Variants in CSMD1 observed in about 807,000 individuals in gnomAD.
CSMD1 encodes CUB and sushi domain-containing protein 1.
In CSMD1, 213 loss-of-function variants were observed where a neutral mutation model predicts 417.5. That is an observed-to-expected ratio of 0.51 (90% confidence interval 0.46 to 0.57). CSMD1 has a LOEUF of 0.57. CSMD1 is among the 20% of genes least tolerant of loss of function. CSMD1 has a pLI of 0.00. For missense variants in CSMD1, 6,923 were observed against 4,529.7 expected (o/e 1.53, Z -15.17); for synonymous variants, 2,862 against 1,736.8 (o/e 1.65, Z -16.11).
At chr8:4,603,223 A>G (rs1280133303) in intron 2 of CSMD1, among the ~76,000 whole-genome samples, 1 of 152,070 alleles carries the variant, frequency 6.6e-6, no homozygotes, top group African/African-American at 2.4e-5. Flanking sequence ...AATAGAAGAA[A>G]ATTCTCTTTT....
At chr8:3,736,414 A>G (rs933424704) in intron 6 of CSMD1, among the ~76,000 whole-genome samples, 1 of 129,728 alleles carries the variant, frequency 7.7e-6, no homozygotes, top group East Asian at 2.5e-4. Context: ...TGGCTAATGT[A>G]AAAAAAAAAA....
chr8:4,952,236 T>C (rs980393460), intron 1 of CSMD1, among the ~76,000 whole-genome samples: 1 of 151,982 alleles, frequency 6.6e-6, no homozygotes, highest in East Asian at 1.9e-4. Context: ...GTGGAGTTAA[T>C]TTGGATTTTT....
intron 1 of CSMD1, among the ~76,000 whole-genome samples, chr8:4,641,536 A>G (rs1803188997): frequency 6.6e-6 from 1 of 152,168 alleles, no homozygotes; most frequent in African/African-American, 2.4e-5. Context: ...GCCACACATC[A>G]TGATTTTTAC....
At chr8:4,960,612 C>G (rs1585412309) in intron 1 of CSMD1, among the ~76,000 whole-genome samples, 1 of 152,156 alleles carries the variant, frequency 6.6e-6, no homozygotes, top group Non-Finnish European at 1.5e-5. Flanking sequence ...TACATACAGT[C>G]ATGGGTGCAT....
At chr8:4,804,951 T>C (rs552753204) in intron 1 of CSMD1, among the ~76,000 whole-genome samples, 1 of 152,324 alleles carries the variant, frequency 6.6e-6, no homozygotes, top group Non-Finnish European at 1.5e-5. Flanking sequence ...CAAAAAGGGA[T>C]AGGAACTTGA....
intron 5 of CSMD1, among the ~76,000 whole-genome samples, chr8:3,769,130 G>T (rs1015004566): frequency 6.6e-6 from 1 of 152,302 alleles, no homozygotes; most frequent in East Asian, 1.9e-4. Flanking sequence ...TTACTATACA[G>T]TTAAATTGAT....
At chr8:3,672,751 A>G (rs1418087508) in intron 7 of CSMD1, among the ~76,000 whole-genome samples, 1 of 152,152 alleles carries the variant, frequency 6.6e-6, no homozygotes, top group Non-Finnish European at 1.5e-5. Context: ...AAACCAGGCA[A>G]ATGGAAGAAG....
Position 3,238,766 on chromosome 8 carries a change from C to G in CSMD1, c.4154-8535G>C, listed in dbSNP as rs140504203. On this transcript the variant is annotated intron_variant, in intron 26 of 69. Coordinates refer to ENST00000635120, the MANE Select transcript of CSMD1 (RefSeq NM_033225.6). ...GGACATCTAATTAGAGAGTGCCTGA[C>G]GAGGTTCAGCATAGCCTTGCCAGCA... is the stretch of plus-strand genomic sequence containing the variant. Among the ~76,000 whole-genome samples the G allele has an allele frequency of 3.3e-5, 5 of 152,188 alleles. No homozygotes were observed. The East Asian group carries it at 9.7e-4, about 29-fold the overall frequency.
intron 2 of CSMD1, among the ~76,000 whole-genome samples, chr8:4,495,568 C>A (rs888210619): frequency 6.9e-6 from 1 of 144,910 alleles, no homozygotes; most frequent in Non-Finnish European, 1.5e-5. Context: ...GAGCAAGACT[C>A]CATCTCAGAA....
At chr8:3,747,125 C>G (rs748727653) in intron 6 of CSMD1, among the ~76,000 whole-genome samples, 60 of 152,208 alleles carry the variant, frequency 3.9e-4, no homozygotes, top group Non-Finnish European at 7.6e-4. Context: ...GTTGTAAAGA[C>G]TGACATGAAG....
At chr8:3,812,629 C>A (rs1563105241) in intron 5 of CSMD1, among the ~76,000 whole-genome samples, 1 of 152,114 alleles carries the variant, frequency 6.6e-6, no homozygotes, top group Non-Finnish European at 1.5e-5. Context: ...CATTGACTGA[C>A]AAATCTGTAT....
At chr8:3,096,373 G>A (rs1032739470) in intron 47 of CSMD1, among the ~76,000 whole-genome samples, 12 of 148,628 alleles carry the variant, frequency 8.1e-5, no homozygotes, top group African/African-American at 2.9e-4. Context: ...TTCCCATGCT[G>A]TTCTCCTGAT....
chr8:3,478,397 T>C (rs754938645), intron 11 of CSMD1, among the ~76,000 whole-genome samples: 1 of 152,226 alleles, frequency 6.6e-6, no homozygotes, highest in Non-Finnish European at 1.5e-5. Context: ...CTTAAAAGTA[T>C]ATGGACTGCC....
intron 3 of CSMD1, among the ~76,000 whole-genome samples, chr8:4,357,333 G>C (rs374118214): frequency 1.3e-5 from 2 of 152,036 alleles, no homozygotes; most frequent in Admixed American, 6.6e-5. Context: ...TGCCTGTTGC[G>C]TAAGCTATTC....
intron 30 of CSMD1, among the ~76,000 whole-genome samples, chr8:3,206,565 A>G (rs111494492): frequency 1.6e-4 from 15 of 96,740 alleles, no homozygotes; most frequent in African/African-American, 2.9e-4. Flanking sequence ...CTGTGTGTGT[A>G]TGTGTGTGTG....
chr8:4,369,788 G>T (rs534391466), intron 3 of CSMD1, among the ~76,000 whole-genome samples: 2 of 152,118 alleles, frequency 1.3e-5, no homozygotes, highest in Non-Finnish European at 2.9e-5. Context: ...TTGCCTGATA[G>T]ATCTTTATCC....
intron 2 of CSMD1, among the ~76,000 whole-genome samples, chr8:4,546,729 A>G (rs1797655346): frequency 6.6e-6 from 1 of 152,148 alleles, no homozygotes; most frequent in Non-Finnish European, 1.5e-5. Context: ...TAGCTAAGTC[A>G]ATTCCCATAA....
chr8:3,941,494 A>G (rs1024887465), intron 5 of CSMD1, among the ~76,000 whole-genome samples: 1 of 152,188 alleles, frequency 6.6e-6, no homozygotes, highest in Admixed American at 6.5e-5. Context: ...AGGTATCTGA[A>G]TAAAAGGAGC....
chr8:3,943,038 C>G (rs1047813412), intron 5 of CSMD1, among the ~76,000 whole-genome samples: 25 of 151,946 alleles, frequency 1.6e-4, no homozygotes, highest in African/African-American at 5.6e-4. Context: ...CAGGAAAATC[C>G]TGCTTTTCAG....
Sources: gnomAD v4.1 joint callset for allele counts (sites outside exome capture counted in the v4.1 genomes callset) on GRCh38, gnomAD v4.1.1 for gene constraint, MANE v1.5 for transcripts, NCBI Gene and HGNC (gene_info 2026-07-23, HGNC 2026-07-21) for gene names.